The following PPP1R9A variants were observed in gnomAD, a reference collection of about 807,000 sequenced individuals.
The protein encoded by PPP1R9A is protein phosphatase 1 regulatory subunit 9A.
Under a neutral mutation model 141.9 loss-of-function variants are expected in PPP1R9A, and 59 were observed. That is an observed-to-expected ratio of 0.42 (90% CI 0.34 to 0.52). The LOEUF is 0.52. Ranked by LOEUF, PPP1R9A falls within the 20% of genes least tolerant of loss-of-function variation. PPP1R9A has a pLI of 0.10. For synonymous variants in PPP1R9A, 500 were observed against 569.7 expected (o/e 0.88, Z 1.74); for missense variants, 1,444 against 1,611.9 (o/e 0.90, Z 1.78).
intron 4 of PPP1R9A, among the ~76,000 whole-genome samples, chr7:95,147,427 C>G (rs1403258588): frequency 6.6e-6 from 1 of 152,162 alleles, no homozygotes; most frequent in Non-Finnish European, 1.5e-5. Flanking sequence ...AATATACAAT[C>G]ATGTCATCTG....
At position 95,292,089 on chromosome 7, in the gene PPP1R9A, G is replaced by A. The variant is rs184867567; in HGVS notation, c.*1786G>A. 133 of 152,188 alleles carry A rather than the reference G, an allele frequency of 8.7e-4. 1 individual carries two copies. Among genetic ancestry groups the A allele is most frequent in the African/African-American group, 3.0e-3 (126 of 41,530 alleles). The allele number at this position is 152,188 out of a possible 1,614,324, so 9.4% of individuals were successfully genotyped here. ...CCTTCATTCAATCCTCAGAAACGTT[G>A]ACATGAAGTAACATTGTGTTTTACA... On this transcript the variant is annotated 3_prime_UTR_variant, in exon 20 of 20. Coordinates refer to ENST00000433360, the MANE Select transcript of PPP1R9A (RefSeq NM_001166160.2).
At chr7:95,120,931 A>G in intron 4 of PPP1R9A, 99 bp downstream of exon 4, 1 of 1,443,036 alleles carries the variant, frequency 6.9e-7, no homozygotes, top group Non-Finnish European at 9.4e-7. Context: ...TTGATTTTTT[A>G]GGATAGAATT....
intron 4 of PPP1R9A, among the ~76,000 whole-genome samples, chr7:95,131,894 A>C (rs182093548): frequency 5.9e-5 from 9 of 152,172 alleles, no homozygotes; most frequent in African/African-American, 2.2e-4. Flanking sequence ...CTTCTTATAG[A>C]TATCTTTCAC....
intron 2 of PPP1R9A, among the ~76,000 whole-genome samples, chr7:94,936,245 C>G (rs1053423566): frequency 6.6e-6 from 1 of 152,096 alleles, no homozygotes; most frequent in African/African-American, 2.4e-5. Context: ...CCAGTTTCCT[C>G]TTCTCTAAAT....
At chr7:94,971,550 AT>A (rs1798861992) in intron 2 of PPP1R9A, among the ~76,000 whole-genome samples, 1 of 152,212 alleles carries the variant, frequency 6.6e-6, no homozygotes, top group Admixed American at 6.5e-5. Flanking sequence ...CTTTGAGATC[AT>A]CTTGAGAATT....
At chr7:95,131,173 G>C (rs1404820419) in intron 4 of PPP1R9A, among the ~76,000 whole-genome samples, 1 of 152,064 alleles carries the variant, frequency 6.6e-6, no homozygotes, top group Non-Finnish European at 1.5e-5. Context: ...GAACCTGCTA[G>C]GAAGTGATTG....
intron 8 of PPP1R9A, among the ~76,000 whole-genome samples, chr7:95,232,275 G>C (rs907450659): frequency 6.6e-6 from 1 of 152,050 alleles, no homozygotes; most frequent in African/African-American, 2.4e-5. Flanking sequence ...ATGAGGAAAG[G>C]ATTCCCTGTT....
intron 12 of PPP1R9A, among the ~76,000 whole-genome samples, chr7:95,262,190 A>C (rs1800535595): frequency 6.6e-6 from 1 of 152,194 alleles, no homozygotes; most frequent in Non-Finnish European, 1.5e-5. Context: ...AAGACACTAC[A>C]ATATCAATGT....
chr7:95,246,386 G>A (rs1168816181), intron 8 of PPP1R9A, among the ~76,000 whole-genome samples: 1 of 152,168 alleles, frequency 6.6e-6, no homozygotes, highest in Non-Finnish European at 1.5e-5. Flanking sequence ...GGTCCCTCAT[G>A]TACAGTCTTA....
chr7:95,219,163 G>A (rs925284521), intron 7 of PPP1R9A, among the ~76,000 whole-genome samples: 5 of 152,142 alleles, frequency 3.3e-5, no homozygotes, highest in Non-Finnish European at 7.3e-5. Context: ...GGGCAGGTCT[G>A]GTGGTGACAG....
chr7:95,213,162 G>A (rs915069624), intron 7 of PPP1R9A, among the ~76,000 whole-genome samples: 1 of 151,876 alleles, frequency 6.6e-6, no homozygotes, highest in Non-Finnish European at 1.5e-5. Flanking sequence ...AGCAGCCTAT[G>A]TTTCAGATTA....
rs10269412 is a variant in PPP1R9A at position 95,160,729 on chromosome 7, A to G, written c.1650-1138A>G. 6.4e-3 allele frequency among the ~76,000 whole-genome samples: 969 copies of G among 152,106 alleles called. 12 individuals carry two copies. Among genetic ancestry groups the G allele is most frequent in the African/African-American group, 0.023 (939 of 41,506 alleles). ...TTCTATTGTTGCCGCCTTTATGTCC[A>G]TGAGTTCCCAATGTTTAACTTACAC... On this transcript the variant is annotated intron_variant, in intron 4 of 19. Transcript: ENST00000433360.
intron 4 of PPP1R9A, among the ~76,000 whole-genome samples, chr7:95,140,823 C>T (rs557887125): frequency 1.9e-4 from 29 of 152,308 alleles, no homozygotes; most frequent in African/African-American, 7.0e-4. Flanking sequence ...AAGCAATCCT[C>T]CCACCTCAGC....
At chr7:94,981,400 C>T (rs756555675) in intron 2 of PPP1R9A, among the ~76,000 whole-genome samples, 8 of 152,014 alleles carry the variant, frequency 5.3e-5, no homozygotes, top group African/African-American at 1.2e-4. Context: ...CTACCGCAGC[C>T]GGCTAATTTT....
chr7:95,199,386 C>G (rs1789023564), intron 6 of PPP1R9A, among the ~76,000 whole-genome samples: 1 of 152,120 alleles, frequency 6.6e-6, no homozygotes, highest in African/African-American at 2.4e-5. Context: ...CACAGTGAAA[C>G]TTCATGTATT....
rs186738230 is a variant in PPP1R9A, at chr7:94,974,460, T to C, written c.1395+62952T>C. ...GACAGGACATCCAAATGGAACGAGC[T>C]GTCCAATAAAAATAGATCTTTGTGT... is the stretch of plus-strand genomic sequence containing the variant. On this transcript the variant is annotated intron_variant, in intron 2 of 19. Transcript: ENST00000433360. Among the ~76,000 whole-genome samples, 273 of 152,322 alleles carry C rather than the reference T, an allele frequency of 1.8e-3. 1 individual carries two copies. Among genetic ancestry groups the C allele is most frequent in the Non-Finnish European group, 3.6e-3 (248 of 68,032 alleles).
intron 18 of PPP1R9A, chr7:95,287,208 A>C (rs1805516071): frequency 5.2e-6 from 8 of 1,527,920 alleles, no homozygotes; most frequent in Non-Finnish European, 7.3e-6. Flanking sequence ...TTTGGAGATG[A>C]CTGAAAAATC....
At chr7:95,289,679 A>G (rs76489181) in intron 19 of PPP1R9A, among the ~76,000 whole-genome samples, 11,978 of 152,172 alleles carry the variant, frequency 0.079, 560 homozygotes, top group Admixed American at 0.12. Context: ...AAAGGAAGCC[A>G]TTTCAATTCT....
At chr7:95,101,738 C>G (rs1057413402) in intron 2 of PPP1R9A, among the ~76,000 whole-genome samples, 2 of 152,216 alleles carry the variant, frequency 1.3e-5, no homozygotes, top group Non-Finnish European at 2.9e-5. Flanking sequence ...GGCTAGCTCA[C>G]ATGGATTACA....
Sources: allele counts gnomAD v4.1 joint callset (sites outside exome capture counted in the v4.1 genomes callset), GRCh38; gene constraint gnomAD v4.1.1; transcripts MANE v1.5; gene names NCBI Gene and HGNC (gene_info 2026-07-23, HGNC 2026-07-21).